Variants in ULK4 observed in about 807,000 individuals in gnomAD.
ULK4 encodes unc-51 like kinase 4.
A neutral mutation model predicts 160.6 loss-of-function variants in ULK4; 133 were observed. The ratio of observed to expected loss-of-function variants is 0.83; its 90% CI spans 0.72 to 0.96. The LOEUF is 0.96. Ranked by LOEUF, ULK4 falls within the 40% of genes least tolerant of loss-of-function variation. The pLI is 0.00. For missense variants in ULK4, 1,580 were observed against 1,499.5 expected, an observed-to-expected ratio of 1.05 and a Z score of -0.89; for synonymous variants, 534 against 539.8, an observed-to-expected ratio of 0.99 and a Z score of 0.15.
intron 22 of ULK4, among the ~76,000 whole-genome samples, chr3:41,725,960 C>T (rs1559510639): frequency 6.6e-6 from 1 of 152,136 alleles, no homozygotes; most frequent in Non-Finnish European, 1.5e-5. Flanking sequence ...TCAGTAACAG[C>T]TACCCCAGAA....
chr3:41,470,634 C>T (rs933125512), intron 32 of ULK4, among the ~76,000 whole-genome samples: 2 of 152,016 alleles, frequency 1.3e-5, no homozygotes, highest in Non-Finnish European at 2.9e-5. Flanking sequence ...AAGGAAAAAA[C>T]TAATAATAAT....
chr3:41,641,422 C>A (rs1159330328), intron 30 of ULK4, among the ~76,000 whole-genome samples: 6 of 152,152 alleles, frequency 3.9e-5, no homozygotes, highest in African/African-American at 1.4e-4. Flanking sequence ...CCAGGCCAGG[C>A]ACGGTGGCTC....
intron 31 of ULK4, among the ~76,000 whole-genome samples, chr3:41,585,714 C>A (rs2030744175): frequency 6.6e-6 from 1 of 152,044 alleles, no homozygotes; most frequent in Non-Finnish European, 1.5e-5. Flanking sequence ...ACCAAACAAT[C>A]AACAGAGAGA....
chr3:41,249,384 T>C, intron 36 of ULK4, 105 bp downstream of exon 36: 1 of 1,036,536 alleles, frequency 9.6e-7, no homozygotes, highest in Non-Finnish European at 1.4e-6. Context: ...TGGAAGGTGG[T>C]AGTCCCTGGT....
chr3:41,554,762 G>T (rs1408250623), intron 32 of ULK4, among the ~76,000 whole-genome samples: 2 of 152,062 alleles, frequency 1.3e-5, no homozygotes, highest in African/African-American at 4.8e-5. Context: ...TAAATACCCT[G>T]ATTTGATCAT....
chr3:41,335,321 C>T (rs1010255497), intron 35 of ULK4, among the ~76,000 whole-genome samples: 1 of 152,116 alleles, frequency 6.6e-6, no homozygotes, highest in Non-Finnish European at 1.5e-5. Context: ...CATTTCATGG[C>T]CTGGAATTTA....
At chr3:41,281,249 C>A (rs1375604904) in intron 35 of ULK4, among the ~76,000 whole-genome samples, 1 of 152,202 alleles carries the variant, frequency 6.6e-6, no homozygotes, top group African/African-American at 2.4e-5. Context: ...ACCATTCCTT[C>A]TGAAAATATT....
intron 3 of ULK4, 21 bp from the exon 4 acceptor site, chr3:41,935,961 T>C: frequency 3.7e-6 from 6 of 1,607,048 alleles, no homozygotes; most frequent in Non-Finnish European, 3.4e-6. Flanking sequence ...TTGATTAAAA[T>C]CACCCATTTC....
At chr3:41,704,262 G>A (rs987634265) in intron 27 of ULK4, among the ~76,000 whole-genome samples, 11 of 152,264 alleles carry the variant, frequency 7.2e-5, no homozygotes, top group African/African-American at 2.6e-4. Flanking sequence ...CATGAGCTGG[G>A]GTACAAGAAA....
chr3:41,952,395 C>A (rs76435888), intron 2 of ULK4, among the ~76,000 whole-genome samples: 42 of 152,162 alleles, frequency 2.8e-4, no homozygotes, highest in African/African-American at 1.0e-3. Context: ...AGAGGACTTA[C>A]AGAAATGGAC....
chr3:41,857,334 T>C (rs1326572846), intron 17 of ULK4, among the ~76,000 whole-genome samples: 1 of 152,228 alleles, frequency 6.6e-6, no homozygotes, highest in East Asian at 1.9e-4. Flanking sequence ...TAGTGCTGAA[T>C]TCAGTTTCCT....
chr3:41,735,218 A>T (rs1575624560), intron 22 of ULK4, among the ~76,000 whole-genome samples: 1 of 152,242 alleles, frequency 6.6e-6, no homozygotes, highest in African/African-American at 2.4e-5. Flanking sequence ...ACAAGTGTAC[A>T]GGTGAAGAGG....
intron 32 of ULK4, among the ~76,000 whole-genome samples, chr3:41,466,763 T>A (rs1216737889): frequency 6.6e-6 from 1 of 152,198 alleles, no homozygotes; most frequent in Non-Finnish European, 1.5e-5. Flanking sequence ...TCTACATGTA[T>A]ATATGTATGT....
chr3:41,563,316 G>A (rs1360210598), intron 32 of ULK4, among the ~76,000 whole-genome samples: 1 of 152,102 alleles, frequency 6.6e-6, no homozygotes, highest in Non-Finnish European at 1.5e-5. Flanking sequence ...CAACCTTGGT[G>A]AATCTGACAA....
intron 30 of ULK4, among the ~76,000 whole-genome samples, chr3:41,646,091 C>T (rs575317783): frequency 2.0e-5 from 3 of 152,286 alleles, no homozygotes; most frequent in South Asian, 4.1e-4. Context: ...TGTGTCTCTG[C>T]ACATGAGATG....
intron 20 of ULK4, among the ~76,000 whole-genome samples, chr3:41,797,931 A>G (rs1181914893): frequency 2.0e-5 from 3 of 151,928 alleles, no homozygotes; most frequent in African/African-American, 7.2e-5. Context: ...AAGAAAAGAG[A>G]AAAGAAAAGA....
chr3:41,271,983 C>A (rs377205173), intron 35 of ULK4, among the ~76,000 whole-genome samples: 1 of 152,158 alleles, frequency 6.6e-6, no homozygotes, highest in Non-Finnish European at 1.5e-5. Context: ...GTGGCATGAT[C>A]GCGGCTCACT....
chr3:41,543,955 T>C (rs578217519), intron 32 of ULK4, among the ~76,000 whole-genome samples: 2 of 152,310 alleles, frequency 1.3e-5, no homozygotes, highest in African/African-American at 2.4e-5. Flanking sequence ...TTAGACATGG[T>C]TTCCTGCAGT....
At chr3:41,372,854 TAA>T (rs1381198998) in intron 35 of ULK4, among the ~76,000 whole-genome samples, 1 of 152,138 alleles carries the variant, frequency 6.6e-6, no homozygotes, top group Non-Finnish European at 1.5e-5. Flanking sequence ...GCAAATTGGA[TAA>T]AGAGTCAAGA....
Sources: allele counts gnomAD v4.1 joint callset (sites outside exome capture counted in the v4.1 genomes callset), GRCh38; gene constraint gnomAD v4.1.1; transcripts MANE v1.5; gene names NCBI Gene and HGNC (gene_info 2026-07-23, HGNC 2026-07-21).